Variants in BCO2 observed in about 807,000 individuals in gnomAD.
BCO2 encodes carotenoid-cleaving dioxygenase, mitochondrial.
Under a neutral mutation model 65.8 loss-of-function variants are expected in BCO2, and 56 were observed. That is an observed-to-expected ratio of 0.85 (90% CI 0.69 to 1.06). The LOEUF (loss-of-function observed/expected upper bound fraction) is 1.06. Ranked by LOEUF, BCO2 falls within the 50% of genes least tolerant of loss-of-function variation. The pLI, the probability that BCO2 is intolerant of heterozygous loss-of-function variation, is 0.00. For synonymous variants in BCO2, 233 were observed against 242.3 expected (o/e 0.96, Z 0.36); for missense variants, 675 against 698.5 (o/e 0.97, Z 0.38).
intron 2 of BCO2, among the ~76,000 whole-genome samples, chr11:112,190,753 G>A (rs1347542442): frequency 6.6e-6 from 1 of 151,446 alleles, no homozygotes; most frequent in African/African-American, 2.4e-5. Flanking sequence ...CTACTCAGGA[G>A]GCTGAGGCAG....
intron 8 of BCO2, among the ~76,000 whole-genome samples, chr11:112,204,949 G>A (rs550506090): frequency 8.6e-4 from 131 of 152,262 alleles, no homozygotes; most frequent in Non-Finnish European, 1.7e-3. Flanking sequence ...ACAGGCTTGA[G>A]CCACCACACC....
At chr11:112,180,198 C>T (rs925343185) in intron 2 of BCO2, among the ~76,000 whole-genome samples, 1 of 152,162 alleles carries the variant, frequency 6.6e-6, no homozygotes, top group Non-Finnish European at 1.5e-5. Context: ...ACTTCATTCC[C>T]ATGGATTTGT....
chr11:112,216,486 A>G (rs1859682557), intron 11 of BCO2, among the ~76,000 whole-genome samples, 156 bp downstream of exon 11: 1 of 152,066 alleles, frequency 6.6e-6, no homozygotes, highest in East Asian at 1.9e-4. Flanking sequence ...CTCAATCCAT[A>G]TTTTATTGTT....
intron 8 of BCO2, among the ~76,000 whole-genome samples, chr11:112,207,527 G>A (rs1227868906): frequency 6.6e-6 from 1 of 152,080 alleles, no homozygotes; most frequent in African/African-American, 2.4e-5. Context: ...CTGTTCCATT[G>A]TTTCTACTTA....
chr11:112,186,174 C>T (rs1056251391), intron 2 of BCO2, among the ~76,000 whole-genome samples: 3 of 152,172 alleles, frequency 2.0e-5, no homozygotes, highest in Non-Finnish European at 4.4e-5. Context: ...AATAAACAGC[C>T]TCTTACAGAG....
At chr11:112,212,562 G>T (rs1333540797) in intron 8 of BCO2, among the ~76,000 whole-genome samples, 2 of 152,058 alleles carry the variant, frequency 1.3e-5, no homozygotes, top group Admixed American at 6.6e-5. Flanking sequence ...AAAGGAAAAG[G>T]CACATGAGAT....
intron 8 of BCO2, among the ~76,000 whole-genome samples, chr11:112,204,146 G>A (rs1235677970): frequency 3.3e-5 from 5 of 152,030 alleles, no homozygotes; most frequent in Admixed American, 1.3e-4. Flanking sequence ...GAGCCACAGC[G>A]CCCTGCCTCA....
At chr11:112,204,325 T>C (rs1433081183) in intron 8 of BCO2, among the ~76,000 whole-genome samples, 2 of 152,188 alleles carry the variant, frequency 1.3e-5, no homozygotes, top group Non-Finnish European at 2.9e-5. Flanking sequence ...GGTATTTAGG[T>C]TGTTTCTGTT....
chr11:112,181,242 C>T (rs1352672523), intron 2 of BCO2: 16 of 618,234 alleles, frequency 2.6e-5, no homozygotes, highest in East Asian at 1.8e-4. Flanking sequence ...AGTGCAGTGG[C>T]GGGATCTCGG....
rs1483879405 is a variant in BCO2 at position 112,194,758 on chromosome 11, A to G, written c.736+3A>G. 1.9e-6 allele frequency: 3 copies of G among 1,568,034 alleles called. No homozygotes were observed. The highest frequency in any genetic ancestry group is 1.7e-5 in the Admixed American group (1 of 58,212). On this transcript the variant is annotated splice_donor_region_variant and intron_variant, in intron 5 of 11. Transcript: ENST00000357685. ...GGGGAACTCCTTTGGGCCATATGGTAAAGTTGCAATAAAGGTCTTTTTAGA... is the reference window on the plus strand; with the variant it reads ...GGGGAACTCCTTTGGGCCATATGGTGAAGTTGCAATAAAGGTCTTTTTAGA...
At chr11:112,190,223 G>A (rs1867333075) in intron 2 of BCO2, among the ~76,000 whole-genome samples, 1 of 152,110 alleles carries the variant, frequency 6.6e-6, no homozygotes, top group South Asian at 2.1e-4. Flanking sequence ...AATTGAGGAT[G>A]CAGTGAGCTA....
intron 8 of BCO2, among the ~76,000 whole-genome samples, chr11:112,210,209 T>C (rs1316022055): frequency 6.6e-6 from 1 of 152,236 alleles, no homozygotes; most frequent in Admixed American, 6.5e-5. Context: ...TTAGAATAGT[T>C]AAAGTCTGAT....
At chr11:112,195,244 C>T (rs549586308) in intron 5 of BCO2, among the ~76,000 whole-genome samples, 2 of 142,960 alleles carry the variant, frequency 1.4e-5, no homozygotes, top group African/African-American at 4.9e-5. Context: ...AAGCGATTCT[C>T]CTGCCTCAGC....
chr11:112,190,856 C>CAAAAAAAAAAAA (rs945768260), intron 2 of BCO2, among the ~76,000 whole-genome samples: 2 of 62,272 alleles, frequency 3.2e-5, no homozygotes, highest in African/African-American at 5.7e-5. Context: ...GACTCTGTCT[C>CAAAAAAAAAAAA]AAAAAAAAAA....
At chr11:112,206,284 G>A (rs1212908972) in intron 8 of BCO2, among the ~76,000 whole-genome samples, 4 of 150,282 alleles carry the variant, frequency 2.7e-5, no homozygotes, top group East Asian at 2.0e-4. Flanking sequence ...GAGGGTGGGC[G>A]GCTGGGCAGA....
chr11:112,175,652 A>G lies in BCO2; in HGVS notation c.51A>G (p.Ala17=). The G allele has an allele frequency of 6.2e-7, 1 of 1,614,120 alleles. No homozygotes were observed. Among genetic ancestry groups the G allele is most frequent in the East Asian group, 2.2e-5 (1 of 44,886 alleles). The change falls in exon 1 of 12, where the codon GCA becomes GCG. Residue 17 remains alanine (A), a synonymous_variant. Transcript: ENST00000357685. ...TTATCAGGAGTCATTCTGCCACTGC[A>G]GTGGATTTCCTTCCTGTGATGGTGC... ...LHFIRSHSAT[A]VDFLPVMVHR...
At position 112,200,692 on chromosome 11, in the gene BCO2, G is replaced by A. The variant is rs1427575463; in HGVS notation, c.945G>A (p.Arg315=). ...GGAAAATTGCCACTTCTAAAATTCG[G>A]GGAAAGGCCTTTTCAGATGGGATAA... is the stretch of plus-strand genomic sequence containing the variant. The part of the protein sequence containing the change: ...NLWKIATSKI[R]GKAFSDGISW... Residue 315 remains arginine (R), a synonymous_variant, in exon 7 of 12, where the codon CGG becomes CGA. Transcript: ENST00000357685. The A allele has an allele frequency of 6.2e-7, 1 of 1,613,866 alleles. No individual in the cohort carries two copies.
At chr11:112,188,733 A>G (rs1222699480) in intron 2 of BCO2, among the ~76,000 whole-genome samples, 4 of 145,074 alleles carry the variant, frequency 2.8e-5, no homozygotes, top group East Asian at 4.0e-4. Flanking sequence ...TTTCCATCCT[A>G]TTGCTCCTTC....
chr11:112,205,230 A>G (rs938785523), intron 8 of BCO2, among the ~76,000 whole-genome samples: 1 of 152,130 alleles, frequency 6.6e-6, no homozygotes, highest in Non-Finnish European at 1.5e-5. Flanking sequence ...GAACTCCTAT[A>G]CTGTTTTTCA....
Sources: allele counts gnomAD v4.1 joint callset (sites outside exome capture counted in the v4.1 genomes callset), GRCh38; gene constraint gnomAD v4.1.1; transcripts MANE v1.5; gene names NCBI Gene and HGNC (gene_info 2026-07-23, HGNC 2026-07-21).